The following NFKBIZ variants were observed in gnomAD, a reference collection of about 807,000 sequenced individuals.
The protein encoded by NFKBIZ is NFKB inhibitor zeta.
A neutral mutation model predicts 76.8 loss-of-function variants in NFKBIZ; 19 were observed. That is an observed-to-expected ratio of 0.25 (90% CI 0.17 to 0.36). The LOEUF (loss-of-function observed/expected upper bound fraction) is 0.36. Ranked by LOEUF, NFKBIZ falls within the 10% of genes least tolerant of loss-of-function variation. The pLI is 1.00. For synonymous variants in NFKBIZ, 368 were observed against 354.8 expected (o/e 1.04, Z -0.42); for missense variants, 829 against 910.9 (o/e 0.91, Z 1.16).
rs1214387880 is a variant in NFKBIZ, at chr3:101,852,779, C to G, written c.460+11C>G. 6.2e-7 allele frequency: 1 copy of G among 1,610,560 alleles called. No homozygotes were observed. The highest frequency in any genetic ancestry group is 8.5e-7 in the Non-Finnish European group (1 of 1,178,686). On this transcript the variant is annotated intron_variant, in intron 3 of 11. Transcript: ENST00000326172. Reference sequence around the variant, plus strand: ...TAGAACAGTTCAGAGGTAAGAGTTACTTGTATTTGTAATTTTTTCAGGGCT... The same window carrying G: ...TAGAACAGTTCAGAGGTAAGAGTTAGTTGTATTTGTAATTTTTTCAGGGCT...
chr3:101,834,427 C>T (rs1428527504), intron 2 of NFKBIZ, among the ~76,000 whole-genome samples: 1 of 152,042 alleles, frequency 6.6e-6, no homozygotes, highest in African/African-American at 2.4e-5. Flanking sequence ...GTGGCTCTAT[C>T]TTGGCTCACT....
At chr3:101,849,318 G>A (rs1337824340), upstream of NFKBIZ, 1 of 254,598 alleles carries the variant, frequency 3.9e-6, no homozygotes. Flanking sequence ...GTCGGTCTGG[G>A]CGGAGCCGGG....
chr3:101,857,463 A>G lies in NFKBIZ; in HGVS notation c.2103+4A>G. ...CGATGGCCCTGTGGGAGAACAGGTG[A>G]GAGGCACAGGAGGGAGAGGAAGTAT... On this transcript the variant is annotated splice_donor_region_variant and intron_variant, in intron 11 of 11. Coordinates refer to ENST00000326172, the MANE Select transcript of NFKBIZ (RefSeq NM_031419.4). The G allele has an allele frequency of 6.2e-7, 1 of 1,613,964 alleles. No homozygotes were observed. The highest frequency in any genetic ancestry group is 8.5e-7 in the Non-Finnish European group (1 of 1,180,036).
chr3:101,832,156 C>T (rs1190848743), intron 2 of NFKBIZ, among the ~76,000 whole-genome samples: 1 of 151,980 alleles, frequency 6.6e-6, no homozygotes, highest in Non-Finnish European at 1.5e-5. Context: ...CCAGACTGGT[C>T]TCAAACTCCT....
intron 1 of NFKBIZ, 80 bp from the exon 2 acceptor site, chr3:101,852,005 C>G: frequency 6.5e-7 from 1 of 1,531,644 alleles, no homozygotes; most frequent in Non-Finnish European, 8.8e-7. Context: ...CATTAGGCAA[C>G]AGCTATACTT....
intron 2 of NFKBIZ, among the ~76,000 whole-genome samples, chr3:101,833,460 A>C (rs1410272764): frequency 6.6e-6 from 1 of 152,172 alleles, no homozygotes; most frequent in Non-Finnish European, 1.5e-5. Flanking sequence ...ATGATGATTT[A>C]TTTTTTAATC....
chr3:101,849,536 C>G lies in NFKBIZ; in HGVS notation c.-93C>G, dbSNP rs1425219598. 40 of 1,143,420 alleles carry G rather than the reference C, an allele frequency of 3.5e-5. No individual in the cohort carries two copies. The highest frequency in any genetic ancestry group is 2.6e-4 in the Admixed American group (6 of 23,142). 70.8% of individuals were successfully genotyped at this position (1,143,420 alleles called of 1,614,324 possible). A position where few individuals can be genotyped will look rare whatever the true frequency, so the allele number is the denominator to read the frequency against. On this transcript the variant is annotated 5_prime_UTR_variant, in exon 1 of 12. Coordinates refer to ENST00000326172, the MANE Select transcript of NFKBIZ (RefSeq NM_031419.4). ...CCCGTACTGGCCCGCGCCGTCCGCC[C>G]GCCGACAGCTCCCTGAGCCAGCCCG...
At position 101,860,505 on chromosome 3, in the gene NFKBIZ, T is replaced by C. The variant is rs988447837; in HGVS notation, c.*1134T>C. On this transcript the variant is annotated 3_prime_UTR_variant, in exon 12 of 12. Coordinates refer to ENST00000326172, the MANE Select transcript of NFKBIZ (RefSeq NM_031419.4). ...AGTTGCATGGAAGAGAACACCTCTT[T>C]ATGGCTTACCCTCTAGAATTTCTAA... The C allele has an allele frequency of 2.0e-5, 3 of 152,276 alleles. No individual in the cohort carries two copies. The highest frequency in any genetic ancestry group is 2.9e-5 in the Non-Finnish European group (2 of 68,024). 9.4% of individuals were successfully genotyped at this position (152,276 alleles called of 1,614,324 possible). A position where few individuals can be genotyped will look rare whatever the true frequency, so the allele number is the denominator to read the frequency against.
chr3:101,846,024 C>T (rs1942845431), upstream of NFKBIZ, among the ~76,000 whole-genome samples: 1 of 152,176 alleles, frequency 6.6e-6, no homozygotes, highest in Non-Finnish European at 1.5e-5. Context: ...CTCAAGGCCC[C>T]ATATTTCGTA....
At chr3:101,847,068 C>T (rs1942861543), upstream of NFKBIZ, among the ~76,000 whole-genome samples, 2 of 152,238 alleles carry the variant, frequency 1.3e-5, no homozygotes, top group African/African-American at 4.8e-5. Flanking sequence ...TATTCTGGCC[C>T]TCAGTGGATT....
At chr3:101,847,168 A>C (rs527238512), upstream of NFKBIZ, among the ~76,000 whole-genome samples, 48 of 152,386 alleles carry the variant, frequency 3.1e-4, no homozygotes, top group Non-Finnish European at 5.1e-4. Context: ...ACACTCTCAC[A>C]GACATACCCC....
upstream of NFKBIZ, chr3:101,849,387 G>C (rs1942907557): frequency 5.6e-6 from 2 of 354,690 alleles, no homozygotes; most frequent in Admixed American, 9.5e-5. Context: ...CATTTTACTG[G>C]AAATCGGACG....
At chr3:101,836,538 A>G (rs1298381536) in intron 2 of NFKBIZ, among the ~76,000 whole-genome samples, 1 of 152,192 alleles carries the variant, frequency 6.6e-6, no homozygotes, top group African/African-American at 2.4e-5. Context: ...CTGTATTCGC[A>G]GTATCTGGAA....
At chr3:101,843,111 A>G (rs1942809548) in intron 2 of NFKBIZ, among the ~76,000 whole-genome samples, 1 of 151,106 alleles carries the variant, frequency 6.6e-6, no homozygotes, top group East Asian at 1.9e-4. Flanking sequence ...TTTACAGAAG[A>G]CAGATTTTCA....
chr3:101,844,556 A>T (rs1466773869), upstream of NFKBIZ, among the ~76,000 whole-genome samples: 3 of 152,230 alleles, frequency 2.0e-5, no homozygotes, highest in African/African-American at 7.2e-5. Flanking sequence ...TGAATGTTTC[A>T]GCATTCCTTG....
chr3:101,857,986 G>T (rs1252227483), intron 11 of NFKBIZ: 1 of 807,152 alleles, frequency 1.2e-6, no homozygotes, highest in Non-Finnish European at 1.5e-6. Context: ...GAAATATTTT[G>T]TTTTAAACAG....
chr3:101,843,557 T>C (rs1942814417), intron 2 of NFKBIZ, among the ~76,000 whole-genome samples: 1 of 152,260 alleles, frequency 6.6e-6, no homozygotes, highest in South Asian at 2.1e-4. Flanking sequence ...TCTTTTCAGG[T>C]AATTTGGATA....
At chr3:101,831,671 C>T (rs910190281) in intron 2 of NFKBIZ, among the ~76,000 whole-genome samples, 1 of 151,270 alleles carries the variant, frequency 6.6e-6, no homozygotes, top group Non-Finnish European at 1.5e-5. Context: ...ACAGAATCTC[C>T]CTCTGTCGCC....
intron 2 of NFKBIZ, among the ~76,000 whole-genome samples, chr3:101,832,733 T>C (rs1024055394): frequency 4.6e-5 from 7 of 152,328 alleles, no homozygotes; most frequent in Admixed American, 4.6e-4. Flanking sequence ...CATGGACACT[T>C]GGATTGTTTC....
Sources: allele counts gnomAD v4.1 joint callset (sites outside exome capture counted in the v4.1 genomes callset), GRCh38; gene constraint gnomAD v4.1.1; transcripts MANE v1.5; gene names NCBI Gene and HGNC (gene_info 2026-07-23, HGNC 2026-07-21).